The following ADGRB3 variants were observed in gnomAD, a reference collection of about 807,000 sequenced individuals.
ADGRB3 encodes adhesion G protein-coupled receptor B3.
In ADGRB3, 37 loss-of-function variants were observed where a neutral mutation model predicts 193.4. The observed-to-expected ratio is 0.19, with a 90% CI of 0.15 to 0.25. ADGRB3 has a LOEUF of 0.25. ADGRB3 is among the 10% of genes least tolerant of loss of function. The pLI is 1.00. For synonymous variants in ADGRB3, 690 were observed against 644.2 expected (o/e 1.07, Z -1.08); for missense variants, 1,637 against 1,852.9 (o/e 0.88, Z 2.14).
intron 11 of ADGRB3, among the ~76,000 whole-genome samples, chr6:69,010,998 C>T (rs769722319): frequency 1.3e-4 from 19 of 151,806 alleles, no homozygotes; most frequent in Admixed American, 2.0e-4. Flanking sequence ...TTCAATCATG[C>T]GGCCTGAAAT....
intron 3 of ADGRB3, among the ~76,000 whole-genome samples, chr6:68,706,535 A>G (rs1298434034): frequency 6.6e-6 from 1 of 152,196 alleles, no homozygotes; most frequent in Non-Finnish European, 1.5e-5. Flanking sequence ...ACCAGCTCTG[A>G]GCCACGCTGC....
intron 6 of ADGRB3, among the ~76,000 whole-genome samples, chr6:68,951,597 G>T (rs1010993600): frequency 1.1e-4 from 17 of 152,126 alleles, no homozygotes; most frequent in Admixed American, 8.5e-4. Flanking sequence ...ACTCCTGTGT[G>T]TGTTACGAGA....
At chr6:68,649,454 A>T (rs1178411898) in intron 3 of ADGRB3, among the ~76,000 whole-genome samples, 3 of 152,180 alleles carry the variant, frequency 2.0e-5, no homozygotes, top group African/African-American at 7.2e-5. Flanking sequence ...ACATTGTCTG[A>T]TTGACATACT....
rs562270287 is a variant in ADGRB3 at position 69,009,561 on chromosome 6, G to T, written c.1930-4477G>T. Among the ~76,000 whole-genome samples the T allele has an allele frequency of 7.5e-4, 114 of 152,250 alleles. 2 individuals carry two copies. Among genetic ancestry groups the T allele is most frequent in the Admixed American group, 1.4e-3 (22 of 15,280 alleles). ...AAGTTGGAGAGACAGGAAGTGGCTG[G>T]ATCACATATGGCCTTGCAGCCATCA... On this transcript the variant is annotated intron_variant, in intron 11 of 31. Coordinates refer to ENST00000370598, the MANE Select transcript of ADGRB3 (RefSeq NM_001704.3).
intron 17 of ADGRB3, among the ~76,000 whole-genome samples, chr6:69,079,416 G>T (rs1329462903): frequency 6.6e-6 from 1 of 151,972 alleles, no homozygotes; most frequent in African/African-American, 2.4e-5. Flanking sequence ...AGTATTGATG[G>T]AACATATCTC....
intron 3 of ADGRB3, among the ~76,000 whole-genome samples, chr6:68,885,746 G>T (rs376193338): frequency 1.3e-5 from 2 of 152,146 alleles, no homozygotes; most frequent in African/African-American, 4.8e-5. Context: ...ACTACACTTT[G>T]TGGGTCCTGG....
chr6:69,164,894 G>A (rs1002949384), intron 17 of ADGRB3, among the ~76,000 whole-genome samples: 2 of 152,028 alleles, frequency 1.3e-5, no homozygotes, highest in Non-Finnish European at 2.9e-5. Context: ...CACAGTGCCT[G>A]GCACATATTA....
chr6:68,936,986 A>G (rs1366609014), intron 5 of ADGRB3, among the ~76,000 whole-genome samples: 7 of 152,196 alleles, frequency 4.6e-5, no homozygotes, highest in Non-Finnish European at 1.0e-4. Context: ...AAAATGTTCA[A>G]TTGAATGCTT....
chr6:68,749,326 C>T (rs1047530788), intron 3 of ADGRB3, among the ~76,000 whole-genome samples: 1 of 151,936 alleles, frequency 6.6e-6, no homozygotes, highest in Non-Finnish European at 1.5e-5. Context: ...TCTCCTTGCT[C>T]CTCAGCTTGC....
chr6:69,301,133 A>G (rs1282395846), intron 20 of ADGRB3, among the ~76,000 whole-genome samples: 1 of 151,770 alleles, frequency 6.6e-6, no homozygotes, highest in Admixed American at 6.6e-5. Context: ...ATCTACAGAT[A>G]TTGAAAGTAT....
chr6:69,299,163 G>A (rs922832139), intron 20 of ADGRB3, among the ~76,000 whole-genome samples: 1 of 151,736 alleles, frequency 6.6e-6, no homozygotes, highest in Non-Finnish European at 1.5e-5. Flanking sequence ...TACGCCTGTT[G>A]GCCATTTTTT....
chr6:68,972,778 GAGA>G (rs1057156168), intron 8 of ADGRB3, among the ~76,000 whole-genome samples: 3 of 152,188 alleles, frequency 2.0e-5, no homozygotes, highest in Non-Finnish European at 4.4e-5. Flanking sequence ...GAATGATTCT[GAGA>G]AGGACACAAA....
At chr6:69,339,672 G>A (rs1768934934) in intron 26 of ADGRB3, among the ~76,000 whole-genome samples, 168 bp downstream of exon 26, 1 of 152,082 alleles carries the variant, frequency 6.6e-6, no homozygotes, top group Non-Finnish European at 1.5e-5. Context: ...GCTTGGGAGA[G>A]CCCCCAGCAC....
intron 22 of ADGRB3, among the ~76,000 whole-genome samples, chr6:69,330,198 C>A (rs1266683442): frequency 3.9e-5 from 6 of 152,074 alleles, no homozygotes; most frequent in Admixed American, 3.9e-4. Flanking sequence ...AAATAATACT[C>A]AACTTTGTAA....
intron 20 of ADGRB3, among the ~76,000 whole-genome samples, chr6:69,265,071 A>G (rs1767010743): frequency 6.6e-6 from 1 of 152,006 alleles, no homozygotes; most frequent in African/African-American, 2.4e-5. Context: ...ATAGGAACAA[A>G]TAAAGTGGAA....
intron 3 of ADGRB3, among the ~76,000 whole-genome samples, chr6:68,913,131 A>G (rs1259796045): frequency 6.6e-6 from 1 of 152,220 alleles, no homozygotes; most frequent in African/African-American, 2.4e-5. Context: ...CTGACAAACA[A>G]AAAGACAGCA....
At chr6:69,303,159 T>C (rs543594946) in intron 20 of ADGRB3, among the ~76,000 whole-genome samples, 9 of 151,888 alleles carry the variant, frequency 5.9e-5, no homozygotes, top group African/African-American at 1.9e-4. Context: ...TGGCAGAAAG[T>C]TTCGATTATT....
intron 3 of ADGRB3, among the ~76,000 whole-genome samples, chr6:68,878,266 T>C (rs1031558497): frequency 2.6e-5 from 4 of 152,138 alleles, no homozygotes; most frequent in African/African-American, 7.2e-5. Context: ...TTCATTATTA[T>C]AAGAAAGACA....
At chr6:68,869,787 G>A (rs903469403) in intron 3 of ADGRB3, among the ~76,000 whole-genome samples, 2 of 150,892 alleles carry the variant, frequency 1.3e-5, no homozygotes, top group African/African-American at 4.9e-5. Flanking sequence ...GCGGGTGGCG[G>A]GGAGACAGAG....
Sources: allele counts gnomAD v4.1 joint callset (sites outside exome capture counted in the v4.1 genomes callset), GRCh38; gene constraint gnomAD v4.1.1; transcripts MANE v1.5; gene names NCBI Gene and HGNC (gene_info 2026-07-23, HGNC 2026-07-21).